Variants in MACF1 observed in about 807,000 individuals in gnomAD.
MACF1 encodes the protein microtubule actin crosslinking factor 1, also known as microtubule-actin cross-linking factor 1.
In MACF1, 193 loss-of-function variants were observed where a neutral mutation model predicts 854.8. That is an observed-to-expected ratio of 0.23 (90% CI 0.20 to 0.25). The LOEUF is 0.25. Among genes scored for constraint, MACF1 ranks in the 10% least tolerant of loss-of-function variants. The pLI, the probability that MACF1 is intolerant of heterozygous loss-of-function variation, is 1.00. For synonymous variants in MACF1, 3,185 were observed against 3,226.7 expected (o/e 0.99, Z 0.44); for missense variants, 7,722 against 8,929.1 (o/e 0.86, Z 5.45).
intron 87 of MACF1, 110 bp from the exon 88 acceptor site, chr1:39,453,597 A>T: frequency 1.1e-6 from 1 of 934,900 alleles, no homozygotes; most frequent in Non-Finnish European, 1.7e-6. Flanking sequence ...GGTCTGCGTT[A>T]ACACATGGAG....
intron 1 of MACF1, among the ~76,000 whole-genome samples, chr1:39,226,065 T>C (rs1557528520): frequency 6.6e-6 from 1 of 152,220 alleles, no homozygotes; most frequent in Non-Finnish European, 1.5e-5. Flanking sequence ...TCCTAAAAAA[T>C]GATCTTCCAG....
At chr1:39,144,080 CTTT>C (rs1430433191) in intron 2 of MACF1, among the ~76,000 whole-genome samples, 1 of 107,620 alleles carries the variant, frequency 9.3e-6, no homozygotes. Flanking sequence ...AGCCACGGCG[CTTT>C]TTTTTTTTTT....
At chr1:39,371,584 T>A (rs1649249800) in intron 51 of MACF1, among the ~76,000 whole-genome samples, 1 of 152,166 alleles carries the variant, frequency 6.6e-6, no homozygotes, top group African/African-American at 2.4e-5. Context: ...GGTATTTTTG[T>A]CTTAGAGCAA....
Position 39,360,747 on chromosome 1 carries a change from T to C in MACF1, c.12245-46T>C, listed in dbSNP as rs74066762. ...AATAATAAAGTCTTTAAAAGCATAA[T>C]ACAAAAATTGTCTCCACTCTTTCTT... On this transcript the variant is annotated intron_variant, in intron 47 of 100. Transcript: ENST00000564288. 8.5e-3 allele frequency: 9,431 copies of C among 1,110,902 alleles called. 521 individuals carry two copies. The African/African-American group carries it at 0.13, about 15-fold the overall frequency. 68.8% of individuals were successfully genotyped at this position (1,110,902 alleles called of 1,614,324 possible). A position where few individuals can be genotyped will look rare whatever the true frequency, so the allele number is the denominator to read the frequency against.
chr1:39,452,540 C>CT (rs2148681068), intron 86 of MACF1, 144 bp from the exon 87 acceptor site: 1 of 1,200,518 alleles, frequency 8.3e-7, no homozygotes, highest in African/African-American at 1.5e-5. Context: ...TTTCAAAGAT[C>CT]TACAAATGAA....
intron 58 of MACF1, among the ~76,000 whole-genome samples, chr1:39,394,364 G>C (rs948881878): frequency 6.6e-6 from 1 of 152,082 alleles, no homozygotes; most frequent in African/African-American, 2.4e-5. Flanking sequence ...GCTCACGCCT[G>C]TAATCCCAGT....
chr1:39,351,811 C>T (rs528096452), intron 43 of MACF1, among the ~76,000 whole-genome samples: 1 of 152,168 alleles, frequency 6.6e-6, no homozygotes, highest in Admixed American at 6.5e-5. Context: ...TGTTCTCAAA[C>T]TCCTGACCTC....
chr1:39,295,993 T>G, intron 20 of MACF1, 111 bp downstream of exon 20: 3 of 892,710 alleles, frequency 3.4e-6, no homozygotes, highest in Non-Finnish European at 5.1e-6. Context: ...CACCTTAAAA[T>G]TTAGTTGCTT....
At chr1:39,265,270 C>A (rs1026368217) in intron 6 of MACF1, among the ~76,000 whole-genome samples, 4 of 151,764 alleles carry the variant, frequency 2.6e-5, no homozygotes, top group African/African-American at 9.7e-5. Flanking sequence ...TGAATGAGTT[C>A]TTTTGCTTTG....
intron 2 of MACF1, among the ~76,000 whole-genome samples, chr1:39,098,530 C>T (rs1036513577): frequency 2.6e-5 from 4 of 152,224 alleles, no homozygotes; most frequent in East Asian, 1.9e-4. Flanking sequence ...CTTGGGAAGC[C>T]GGTGCGGTGA....
intron 2 of MACF1, among the ~76,000 whole-genome samples, chr1:39,194,515 G>A (rs981940027): frequency 2.0e-5 from 3 of 150,444 alleles, no homozygotes; most frequent in East Asian, 4.0e-4. Context: ...CACCATGCCC[G>A]GCTAATTTTT....
At chr1:39,096,402 C>A (rs182339065) in intron 2 of MACF1, among the ~76,000 whole-genome samples, 2 of 151,788 alleles carry the variant, frequency 1.3e-5, no homozygotes, top group Admixed American at 1.3e-4. Flanking sequence ...ATATTGCAAC[C>A]CCACTTCTCC....
At chr1:39,131,953 A>T (rs78391463) in intron 2 of MACF1, among the ~76,000 whole-genome samples, 144 of 152,280 alleles carry the variant, frequency 9.5e-4, no homozygotes, top group Non-Finnish European at 1.8e-3. Flanking sequence ...AACTTGCCTA[A>T]CAATTTTTAG....
intron 2 of MACF1, among the ~76,000 whole-genome samples, chr1:39,090,522 G>A (rs532983448): frequency 1.1e-3 from 175 of 152,336 alleles, no homozygotes; most frequent in African/African-American, 4.0e-3. Context: ...GGCCCCTGTG[G>A]GACCCCAGTT....
chr1:39,327,155 T>C (rs1646630593), intron 35 of MACF1, 63 bp from the exon 36 acceptor site: 2 of 1,461,572 alleles, frequency 1.4e-6, no homozygotes, highest in Non-Finnish European at 1.8e-6. Context: ...TTTGAAGCAA[T>C]AGAGCAGAGT....
In MACF1 at chr1:39,336,648, A is replaced by G. The variant is rs1646814877; in HGVS notation, c.10060A>G (p.Thr3354Ala). 6.3e-7 allele frequency: 1 copy of G among 1,589,300 alleles called. No homozygotes were observed. The highest frequency in any genetic ancestry group is 1.2e-5 in the South Asian group (1 of 86,446). The change falls in exon 37 of 101, where the codon ACT (threonine) becomes GCT (alanine). Residue 3354 changes from threonine (T) to alanine (A), a missense_variant. Coordinates refer to ENST00000564288, the MANE Select transcript of MACF1 (RefSeq NM_001394062.1). ...TGTAAACCCAGAGCCCTTCAGAGCA[A>G]CTCAGGTCAGTGGTGTGCTTTTTTT... ...GGVNPEPFRATQNVFTRQLCL... is the reference protein window; with the variant it reads ...GGVNPEPFRAAQNVFTRQLCL...
chr1:39,468,497 A>G, intron 95 of MACF1, 118 bp from the exon 96 acceptor site: 1 of 752,376 alleles, frequency 1.3e-6, no homozygotes, highest in East Asian at 2.7e-5. Flanking sequence ...TGTGAGAGTT[A>G]ACAATTCTTC....
In MACF1 at chr1:39,336,146, G is replaced by C. The variant is rs1293663053; in HGVS notation, c.9558G>C (p.Leu3186Phe). ...TTGACCCAGCAAGAGGTCTTAAATT[G>C]GAAGAAATCACAGTTTCTAGACCAG... ...VSFDPARGLK[L>F]EEITVSRPDS... Residue 3186 changes from leucine to phenylalanine, a missense_variant, in exon 37 of 101, where the codon TTG becomes TTC. Around this residue, in one of 15 missense-constraint regions of MACF1, gnomAD observed 854 missense variants for 852.6 expected, o/e 1.00. Transcript: ENST00000564288. 1 of 1,614,144 alleles carries C rather than the reference G, an allele frequency of 6.2e-7. No homozygotes were observed. The highest frequency in any genetic ancestry group is 8.5e-7 in the Non-Finnish European group (1 of 1,180,032).
At chr1:39,463,881 G>A (rs934687278) in intron 94 of MACF1, 195 bp downstream of exon 94, 9 of 495,708 alleles carry the variant, frequency 1.8e-5, no homozygotes, top group Non-Finnish European at 3.0e-5. Flanking sequence ...TACCTAGATA[G>A]TAGTAGTTTG....
Sources: allele counts gnomAD v4.1 joint callset (sites outside exome capture counted in the v4.1 genomes callset), GRCh38; gene constraint gnomAD v4.1.1; regional missense constraint gnomAD v4.1.1; transcripts MANE v1.5; gene names NCBI Gene and HGNC (gene_info 2026-07-23, HGNC 2026-07-21).